The following NOX4 variants were observed in gnomAD, a reference collection of about 807,000 sequenced individuals.
NOX4 encodes kidney oxidase-1.
In NOX4, 69 loss-of-function variants were observed where a neutral mutation model predicts 87.6. That is an observed-to-expected ratio of 0.79 (90% CI 0.65 to 0.96). The LOEUF (loss-of-function observed/expected upper bound fraction) is 0.96. Ranked by LOEUF, NOX4 falls within the 40% of genes least tolerant of loss-of-function variation. The pLI is 0.00. For missense variants in NOX4, 680 were observed against 681.5 expected (o/e 1.00, Z 0.02); for synonymous variants, 275 against 238.2 (o/e 1.15, Z -1.42).
At chr11:89,430,106 A>G (rs1018265770) in intron 7 of NOX4, among the ~76,000 whole-genome samples, 2 of 152,324 alleles carry the variant, frequency 1.3e-5, no homozygotes, top group South Asian at 2.1e-4. Context: ...CAAAAACCAC[A>G]TGATTATCTC....
the NOX4 span, among the ~76,000 whole-genome samples, chr11:89,553,516 T>C: frequency 6.6e-6 from 1 of 152,116 alleles, no homozygotes; most frequent in Non-Finnish European, 1.5e-5. Context: ...AACAAACTAA[T>C]ACAAAGGCTA....
chr11:89,463,901 G>C (rs994264926), intron 2 of NOX4, among the ~76,000 whole-genome samples: 5 of 151,902 alleles, frequency 3.3e-5, no homozygotes, highest in Non-Finnish European at 7.4e-5. Context: ...TAGGCTTCCA[G>C]AGAAATAGAA....
chr11:89,344,233 C>G (rs1396674211), intron 13 of NOX4, among the ~76,000 whole-genome samples: 1 of 151,918 alleles, frequency 6.6e-6, no homozygotes, highest in Non-Finnish European at 1.5e-5. Context: ...CTTCTCTGAT[C>G]ATCTGTCACT....
At chr11:89,355,156 C>G in intron 12 of NOX4, 113 bp from the exon 13 acceptor site, 1 of 722,888 alleles carries the variant, frequency 1.4e-6, no homozygotes. Flanking sequence ...GACTGTATAT[C>G]CATCCTTTAT....
At chr11:89,536,465 C>T in the NOX4 span, among the ~76,000 whole-genome samples, 1 of 152,090 alleles carries the variant, frequency 6.6e-6, no homozygotes, top group Non-Finnish European at 1.5e-5. Context: ...TTTTCTACCT[C>T]TGCAGTTCCA....
At chr11:89,534,329 G>C in the NOX4 span, among the ~76,000 whole-genome samples, 2 of 152,174 alleles carry the variant, frequency 1.3e-5, no homozygotes, top group African/African-American at 4.8e-5. Context: ...TGTATGCCAA[G>C]GATAAACCCT....
intron 2 of NOX4, among the ~76,000 whole-genome samples, chr11:89,456,824 G>A (rs890635150): frequency 1.3e-5 from 2 of 152,118 alleles, no homozygotes; most frequent in African/African-American, 4.8e-5. Flanking sequence ...TATGGCTAGG[G>A]TGCCCATCCC....
chr11:89,477,854 T>A (rs1946232278), intron 2 of NOX4, among the ~76,000 whole-genome samples: 1 of 152,190 alleles, frequency 6.6e-6, no homozygotes, highest in Non-Finnish European at 1.5e-5. Context: ...ACTGTGAGCT[T>A]AAATATTTTT....
chr11:89,547,128 C>T, the NOX4 span, among the ~76,000 whole-genome samples: 1,131 of 152,184 alleles, frequency 7.4e-3, 9 homozygotes, highest in African/African-American at 0.021. Flanking sequence ...GCAGCCTTTC[C>T]TCTCATCCTT....
the NOX4 span, among the ~76,000 whole-genome samples, chr11:89,567,971 A>T: frequency 3.9e-5 from 6 of 152,234 alleles, no homozygotes; most frequent in African/African-American, 1.4e-4. Context: ...ATCCTGATGA[A>T]GTGCTTTTTC....
chr11:89,414,364 A>T (rs1424644862), intron 8 of NOX4, among the ~76,000 whole-genome samples: 2 of 151,930 alleles, frequency 1.3e-5, no homozygotes, highest in African/African-American at 4.8e-5. Context: ...TCATAGCAAA[A>T]TTCTAAAAGG....
chr11:89,490,962 A>G, intron 1 of NOX4: 1 of 654,014 alleles, frequency 1.5e-6, no homozygotes, highest in East Asian at 2.8e-5. Context: ...CTTCCTCCAC[A>G]TCTCTCCCAT....
At chr11:89,442,321 A>T (rs766502546) in intron 5 of NOX4, among the ~76,000 whole-genome samples, 1 of 152,036 alleles carries the variant, frequency 6.6e-6, no homozygotes, top group African/African-American at 2.4e-5. Flanking sequence ...ACAGGAGAAG[A>T]CTTTTTAAAA....
chr11:89,451,804 T>C lies in NOX4; in HGVS notation c.245A>G (p.Tyr82Cys). Reference protein sequence around the residue: ...LLPMCRTLLAYLRGSQKVPSR... With the variant: ...LLPMCRTLLACLRGSQKVPSR... ...TCTTACCTTCTGTGATCCTCGGAGGTAAGCCAAGAGTGTTCGGCACATGGG... is the reference window on the plus strand; with the variant it reads ...TCTTACCTTCTGTGATCCTCGGAGGCAAGCCAAGAGTGTTCGGCACATGGG... The change falls in exon 3 of 18, where the codon TAC becomes TGC. Residue 82 changes from tyrosine (Y) to cysteine (C), a missense_variant. By Grantham distance (194) the Tyr-to-Cys change is radical (BLOSUM62 -2). Coordinates refer to ENST00000263317, the MANE Select transcript of NOX4 (RefSeq NM_016931.5). The C allele has an allele frequency of 6.2e-7, 1 of 1,612,528 alleles. No individual in the cohort carries two copies.
rs192912719 is a variant in NOX4, at chr11:89,397,997, G to A, written c.1074+2020C>T. Among the ~76,000 whole-genome samples, 9 of 151,978 alleles carry A rather than the reference G, an allele frequency of 5.9e-5. No homozygotes were observed. In the East Asian group the frequency reaches 9.7e-4, roughly 16 times the overall value. On this transcript the variant is annotated intron_variant, in intron 11 of 17. Coordinates refer to ENST00000263317, the MANE Select transcript of NOX4 (RefSeq NM_016931.5). ...CAGCACCATCCTGATACCAAAGCCC[G>A]GTAGAGACACAACAAATAAAGAGAA...
chr11:89,371,198 G>A (rs1413941381), intron 12 of NOX4, among the ~76,000 whole-genome samples: 1 of 151,906 alleles, frequency 6.6e-6, no homozygotes, highest in Non-Finnish European at 1.5e-5. Flanking sequence ...TTGAACTAAA[G>A]TGTCAGATAA....
intron 6 of NOX4, among the ~76,000 whole-genome samples, chr11:89,438,600 TACTA>T (rs1174061482): frequency 6.9e-5 from 6 of 86,446 alleles, no homozygotes; most frequent in South Asian, 7.4e-4. Context: ...CTATATATAA[TACTA>T]TATATAATAT....
At chr11:89,413,704 T>C (rs1312586525) in intron 8 of NOX4, among the ~76,000 whole-genome samples, 1 of 152,032 alleles carries the variant, frequency 6.6e-6, no homozygotes, top group Non-Finnish European at 1.5e-5. Context: ...GGGATGAGTA[T>C]TGGTTATAAA....
intron 11 of NOX4, among the ~76,000 whole-genome samples, chr11:89,396,870 G>T (rs1193591632): frequency 6.6e-6 from 1 of 152,018 alleles, no homozygotes; most frequent in Non-Finnish European, 1.5e-5. Flanking sequence ...AATAATAGTG[G>T]GAGACTTTAA....
Sources: gnomAD v4.1 joint callset for allele counts (sites outside exome capture counted in the v4.1 genomes callset) on GRCh38, gnomAD v4.1.1 for gene constraint, MANE v1.5 for transcripts, NCBI Gene and HGNC (gene_info 2026-07-23, HGNC 2026-07-21) for gene names.